The following PAPSS1 variants were observed in gnomAD, a reference collection of about 807,000 sequenced individuals.
PAPSS1 encodes 3'-phosphoadenosine 5'-phosphosulfate synthase 1.
In PAPSS1, 50 loss-of-function variants were observed where a neutral mutation model predicts 72.0. That is an observed-to-expected ratio of 0.69 (90% confidence interval 0.55 to 0.88). The LOEUF (loss-of-function observed/expected upper bound fraction) is 0.88. Ranked by LOEUF, PAPSS1 falls within the 40% of genes least tolerant of loss-of-function variation. The probability of loss-of-function intolerance (pLI) is 0.00; values close to 1 mark genes in which losing one functional copy is unlikely to be tolerated. For missense variants in PAPSS1, 657 were observed against 782.2 expected (o/e 0.84, Z 1.91); for synonymous variants, 261 against 263.6 (o/e 0.99, Z 0.09).
intron 3 of PAPSS1, among the ~76,000 whole-genome samples, chr4:107,688,203 G>C (rs1424261855): frequency 6.6e-6 from 1 of 152,044 alleles, no homozygotes; most frequent in Non-Finnish European, 1.5e-5. Flanking sequence ...CCCCTTTGCT[G>C]GGTTCCCTGC....
Position 107,653,643 on chromosome 4 carries a change from A to AT in PAPSS1, c.1102-18dup, listed in dbSNP as rs760654248. 1.9e-6 allele frequency: 3 copies of AT among 1,605,866 alleles called. No homozygotes were observed. Among genetic ancestry groups the AT allele is most frequent in the East Asian group, 2.2e-5 (1 of 44,668 alleles). Reference sequence around the variant, plus strand: ...CATCACCATCTAATAGGAAAAACAAATTTTTTTAATGGAAACCGAGATCAA... The same window carrying AT: ...CATCACCATCTAATAGGAAAAACAAATTTTTTTTAATGGAAACCGAGATCAA... On this transcript the variant is annotated splice_polypyrimidine_tract_variant and intron_variant, in intron 8 of 11. Coordinates refer to ENST00000265174, the MANE Select transcript of PAPSS1 (RefSeq NM_005443.5).
At chr4:107,647,142 C>T (rs1726717517) in intron 9 of PAPSS1, among the ~76,000 whole-genome samples, 2 of 152,186 alleles carry the variant, frequency 1.3e-5, no homozygotes, top group Admixed American at 6.5e-5. Context: ...CCTCCAGGGG[C>T]TTACAGTCTA....
chr4:107,689,291 C>T (rs145865571), intron 3 of PAPSS1, among the ~76,000 whole-genome samples: 318 of 152,260 alleles, frequency 2.1e-3, no homozygotes, highest in African/African-American at 7.3e-3. Flanking sequence ...GCACTTGATG[C>T]TCTATTGATA....
intron 5 of PAPSS1, among the ~76,000 whole-genome samples, chr4:107,665,886 C>T (rs944815559): frequency 6.6e-6 from 1 of 152,054 alleles, no homozygotes; most frequent in Non-Finnish European, 1.5e-5. Flanking sequence ...TGGTAGCTCT[C>T]GCCTCTCATT....
rs183772635 is a variant in PAPSS1, at chr4:107,677,411, T to C, written c.669+4604A>G. 1.9e-3 allele frequency among the ~76,000 whole-genome samples: 294 copies of C among 152,252 alleles called. 3 individuals carry two copies. The highest frequency in any genetic ancestry group is 6.6e-3 in the African/African-American group (276 of 41,530). On this transcript the variant is annotated intron_variant, in intron 5 of 11. Transcript: ENST00000265174. The stretch of plus-strand genomic sequence containing the variant: ...GGCACTTCTCAAAAGAAGACATTTA[T>C]GCAGCCAAAAGACACATGAAAAAAT...
intron 6 of PAPSS1, among the ~76,000 whole-genome samples, chr4:107,659,066 T>C (rs1165665408): frequency 6.6e-6 from 1 of 152,242 alleles, no homozygotes; most frequent in African/African-American, 2.4e-5. Context: ...ATTCACTCCA[T>C]GCAGTCTGTA....
chr4:107,691,419 G>A (rs1722914463), intron 3 of PAPSS1, among the ~76,000 whole-genome samples: 1 of 152,136 alleles, frequency 6.6e-6, no homozygotes, highest in Admixed American at 6.5e-5. Context: ...TGAGATTTCA[G>A]CCCCTTTGTT....
chr4:107,666,121 C>A (rs1727310745), intron 5 of PAPSS1, among the ~76,000 whole-genome samples: 1 of 152,180 alleles, frequency 6.6e-6, no homozygotes, highest in Admixed American at 6.5e-5. Context: ...TAAAACTGAG[C>A]TGCAAAGTCT....
intron 10 of PAPSS1, among the ~76,000 whole-genome samples, chr4:107,640,714 G>C (rs1009491080): frequency 1.3e-5 from 2 of 152,072 alleles, no homozygotes; most frequent in Non-Finnish European, 2.9e-5. Flanking sequence ...AACACTTCAT[G>C]GTCTGAAATA....
At chr4:107,628,572 G>A (rs1726154703) in intron 11 of PAPSS1, among the ~76,000 whole-genome samples, 1 of 152,158 alleles carries the variant, frequency 6.6e-6, no homozygotes, top group South Asian at 2.1e-4. Context: ...TGTCAGTAGA[G>A]CTGACACTGA....
intron 3 of PAPSS1, among the ~76,000 whole-genome samples, chr4:107,689,743 A>G (rs1446661601): frequency 6.6e-6 from 1 of 152,110 alleles, no homozygotes; most frequent in Non-Finnish European, 1.5e-5. Context: ...TCAATCCCAT[A>G]CAACTTTCCT....
chr4:107,710,852 C>A (rs530845808), intron 1 of PAPSS1, among the ~76,000 whole-genome samples: 1 of 152,368 alleles, frequency 6.6e-6, no homozygotes, highest in African/African-American at 2.4e-5. Context: ...CATACAATGT[C>A]AGCAGGGCAA....
At chr4:107,634,797 A>AT (rs3083966) in intron 10 of PAPSS1, among the ~76,000 whole-genome samples, 3,849 of 115,770 alleles carry the variant, frequency 0.033, 388 homozygotes, top group African/African-American at 0.12. Flanking sequence ...TATTCTAGAC[A>AT]TTTTTTTTTT....
rs35758879 is a variant in PAPSS1 at position 107,631,776 on chromosome 4, C to T, written c.1591G>A (p.Glu531Lys). 7 of 1,613,984 alleles carry T rather than the reference C, an allele frequency of 4.3e-6. No homozygotes were observed. Among genetic ancestry groups the T allele is most frequent in the Non-Finnish European group, 5.9e-6 (7 of 1,180,014 alleles). The change falls in exon 11 of 12, where the codon GAA (glutamate) becomes AAA (lysine). Residue 531 changes from glutamate (E) to lysine (K), a missense_variant. This residue lies in a region of PAPSS1 where 166 missense variants were observed against 228.3 expected (regional missense o/e 0.73). Transcript: ENST00000265174. Reference protein sequence around the residue: ...GRDPAGMPHPETGKDLYEPSH... With the variant: ...GRDPAGMPHPKTGKDLYEPSH... Reference sequence around the variant, plus strand: ...GGCTCATAAAGATCCTTCCCTGTTTCTGGATGAGGCATGCCAGCAGGGTCT... The same window carrying T: ...GGCTCATAAAGATCCTTCCCTGTTTTTGGATGAGGCATGCCAGCAGGGTCT...
intron 9 of PAPSS1, among the ~76,000 whole-genome samples, chr4:107,651,452 T>C (rs557311298): frequency 6.6e-6 from 1 of 152,316 alleles, no homozygotes; most frequent in East Asian, 1.9e-4. Context: ...CATGTTGCTA[T>C]GAAGAAATGC....
At chr4:107,630,756 G>A (rs566413567) in intron 11 of PAPSS1, among the ~76,000 whole-genome samples, 3 of 152,252 alleles carry the variant, frequency 2.0e-5, no homozygotes, top group African/African-American at 7.2e-5. Flanking sequence ...CATCTGCTGA[G>A]CTGCCATTTA....
rs11455598 is a variant in PAPSS1, at chr4:107,632,511, TAAAA to T, written c.1507-655_1507-652del. Among the ~76,000 whole-genome samples the T allele has an allele frequency of 2.0e-5, 3 of 148,168 alleles. No homozygotes were observed. The East Asian group carries it at 5.9e-4, about 29-fold the overall frequency. On this transcript the variant is annotated intron_variant, in intron 10 of 11. Transcript: ENST00000265174. ...CTTATAACATATGCCTAATACTAGT[TAAAA>T]AAAAAAAGATTGGTTGTGAGTAAAC...
chr4:107,674,699 G>A (rs1727588620), intron 5 of PAPSS1, among the ~76,000 whole-genome samples: 1 of 152,014 alleles, frequency 6.6e-6, no homozygotes. Context: ...GACATCTACA[G>A]AACTCTCCAC....
At chr4:107,683,310 A>C (rs1273157047) in intron 4 of PAPSS1, among the ~76,000 whole-genome samples, 1 of 152,052 alleles carries the variant, frequency 6.6e-6, no homozygotes, top group Non-Finnish European at 1.5e-5. Flanking sequence ...TCAAGAAAAA[A>C]TTTCTGCGTT....
Sources: allele counts gnomAD v4.1 joint callset (sites outside exome capture counted in the v4.1 genomes callset), GRCh38; gene constraint gnomAD v4.1.1; regional missense constraint gnomAD v4.1.1; transcripts MANE v1.5; gene names NCBI Gene and HGNC (gene_info 2026-07-23, HGNC 2026-07-21).